The following KNTC1 variants were observed in gnomAD, a reference collection of about 807,000 sequenced individuals.
The protein encoded by KNTC1 is kinetochore associated 1.
A neutral mutation model predicts 314.4 loss-of-function variants in KNTC1; 253 were observed. That is an observed-to-expected ratio of 0.80 (90% CI 0.73 to 0.89). The LOEUF (loss-of-function observed/expected upper bound fraction) is 0.89. Ranked by LOEUF, KNTC1 falls within the 40% of genes least tolerant of loss-of-function variation. The pLI is 0.00. For missense variants in KNTC1, 2,475 were observed against 2,572.9 expected, an observed-to-expected ratio of 0.96 and a Z score of 0.82; for synonymous variants, 901 against 901.4, an observed-to-expected ratio of 1.00 and a Z score of 0.01.
intron 34 of KNTC1, 117 bp from the exon 35 acceptor site, chr12:122,584,161 A>G (rs1868873705): frequency 3.9e-6 from 3 of 762,338 alleles, no homozygotes; most frequent in Non-Finnish European, 6.5e-6. Context: ...ATACCATGAG[A>G]ACATTTAAAA....
chr12:122,620,378 A>G, intron 59 of KNTC1, 101 bp from the exon 60 acceptor site: 1 of 1,086,128 alleles, frequency 9.2e-7, no homozygotes, highest in Non-Finnish European at 1.3e-6. Context: ...GTTTAAAATT[A>G]TTGAAAACTT....
intron 30 of KNTC1, among the ~76,000 whole-genome samples, chr12:122,577,329 G>A (rs1965096078): frequency 6.6e-6 from 1 of 151,986 alleles, no homozygotes; most frequent in African/African-American, 2.4e-5. Context: ...TCAGTATCTA[G>A]GATCGTATTT....
intron 31 of KNTC1, among the ~76,000 whole-genome samples, chr12:122,579,031 T>C (rs1965218563): frequency 3.3e-4 from 1 of 3,004 alleles, no homozygotes; most frequent in Non-Finnish European, 8.3e-4. Context: ...TATTCTTTTT[T>C]TTTTTTTTTT....
intron 44 of KNTC1, 86 bp from the exon 45 acceptor site, chr12:122,601,450 G>A: frequency 1.8e-6 from 2 of 1,135,838 alleles, no homozygotes; most frequent in South Asian, 1.6e-5. Context: ...TTTTATATTT[G>A]TAATCTGTGC....
chr12:122,577,058 A>G (rs755907093), intron 30 of KNTC1, 29 bp downstream of exon 30: 1 of 1,462,520 alleles, frequency 6.8e-7, no homozygotes, highest in Non-Finnish European at 9.0e-7. Context: ...GTCATTTCAT[A>G]TGGCTTCTTT....
intron 44 of KNTC1, among the ~76,000 whole-genome samples, chr12:122,598,421 C>CTTTTTTTTTTTTTT (rs11395342): frequency 5.6e-5 from 7 of 124,280 alleles, no homozygotes; most frequent in East Asian, 2.3e-4. Flanking sequence ...TTTTTCTTTT[C>CTTTTTTTTTTTTTT]TTTTTTTTTT....
At chr12:122,536,440 C>A (rs1311425507) in intron 3 of KNTC1, among the ~76,000 whole-genome samples, 5 of 151,210 alleles carry the variant, frequency 3.3e-5, no homozygotes, top group African/African-American at 1.2e-4. Flanking sequence ...CTATGTTGGC[C>A]AGGCTGGTCT....
At chr12:122,617,819 G>A (rs969845605) in intron 57 of KNTC1, among the ~76,000 whole-genome samples, 3 of 152,098 alleles carry the variant, frequency 2.0e-5, no homozygotes, top group African/African-American at 4.8e-5. Context: ...ATTTAACAGC[G>A]GCCTCTAGAG....
chr12:122,562,813 C>G, intron 20 of KNTC1, 114 bp downstream of exon 20: 1 of 616,508 alleles, frequency 1.6e-6, no homozygotes, highest in Middle Eastern at 3.1e-4. Flanking sequence ...AGTTCGAGAC[C>G]AGCCTGGCCA....
intron 20 of KNTC1, among the ~76,000 whole-genome samples, chr12:122,566,545 G>A (rs1179598696): frequency 6.6e-6 from 1 of 151,472 alleles, no homozygotes; most frequent in Non-Finnish European, 1.5e-5. Context: ...GACTAGCTGG[G>A]ATTACAGGCA....
In KNTC1 at chr12:122,575,887, C is replaced by G. The variant is rs1390645890; in HGVS notation, c.2574C>G (p.Asn858Lys). 1 of 1,611,030 alleles carries G rather than the reference C, an allele frequency of 6.2e-7. No homozygotes were observed. The highest frequency in any genetic ancestry group is 8.5e-7 in the Non-Finnish European group (1 of 1,179,060). The change falls in exon 29 of 64, where the codon AAC becomes AAG. Residue 858 changes from asparagine (N) to lysine (K), a missense_variant. Coordinates refer to ENST00000333479, the MANE Select transcript of KNTC1 (RefSeq NM_014708.6). ...GYGIREVNLL[N>K]KEIMRVVRYI... ...GAATAAGAGAGGTAAATCTCTTAAA[C>G]AAGGAAATAATGGTAAGTACACTCT... is the stretch of plus-strand genomic sequence containing the variant.
chr12:122,578,751 A>G (rs1471516626), intron 31 of KNTC1, among the ~76,000 whole-genome samples: 2 of 152,070 alleles, frequency 1.3e-5, no homozygotes, highest in Admixed American at 6.6e-5. Flanking sequence ...CTAAGGATAG[A>G]TACCTCCCAA....
rs1385886516 is a variant in KNTC1, at chr12:122,598,964, C to T, written c.4563+1026C>T. On this transcript the variant is annotated intron_variant, in intron 44 of 63. Coordinates refer to ENST00000333479, the MANE Select transcript of KNTC1 (RefSeq NM_014708.6). ...AGCTGGAACTGTAGGTGCATGCTGCCATACCCCAGTAATTTTTTTAATTTT... is the reference window on the plus strand; with the variant it reads ...AGCTGGAACTGTAGGTGCATGCTGCTATACCCCAGTAATTTTTTTAATTTT... Among the ~76,000 whole-genome samples, 12 of 151,540 alleles carry T rather than the reference C, an allele frequency of 7.9e-5. No individual in the cohort carries two copies. The South Asian group carries it at 2.3e-3, about 29-fold the overall frequency.
intron 6 of KNTC1, among the ~76,000 whole-genome samples, chr12:122,543,137 T>C (rs1286946031): frequency 6.6e-6 from 1 of 152,178 alleles, no homozygotes; most frequent in Non-Finnish European, 1.5e-5. Flanking sequence ...GGTCTCGAAC[T>C]CCTCACGTCA....
Position 122,597,797 on chromosome 12 carries a change from T to TGCCG in KNTC1, c.4426_4429dup (p.Gln1477ArgfsTer25), listed in dbSNP as rs1871268438. 6.2e-7 allele frequency: 1 copy of TGCCG among 1,613,900 alleles called. No homozygotes were observed. Among genetic ancestry groups the TGCCG allele is most frequent in the Non-Finnish European group, 8.5e-7 (1 of 1,179,886 alleles). On this transcript the variant is annotated frameshift_variant, in exon 44 of 64. Coordinates refer to ENST00000333479, the MANE Select transcript of KNTC1 (RefSeq NM_014708.6). LOFTEE classifies it high-confidence loss of function. ...TTGAAACGCTGCTCCACAACACAAA[T>TGCCG]GCCGGCCAAGGCCAGGGAGATGCAA...
intron 16 of KNTC1, 74 bp downstream of exon 16, chr12:122,551,770 G>A: frequency 9.5e-7 from 1 of 1,047,788 alleles, no homozygotes; most frequent in East Asian, 2.4e-5. Flanking sequence ...GGACAGACAT[G>A]TAATATATAA....
At chr12:122,560,541 T>C (rs1474951408) in intron 18 of KNTC1, among the ~76,000 whole-genome samples, 3 of 151,962 alleles carry the variant, frequency 2.0e-5, no homozygotes, top group African/African-American at 7.3e-5. Context: ...CCCAGCTAAT[T>C]TTTGTATTTT....
Position 122,561,461 on chromosome 12 carries a change from A to AT in KNTC1, c.1489-450dup, listed in dbSNP as rs995982048. ...TTTGCTATTTATTTATTTATTTGTAATTTTTTTTTTGAAACGGAGTCTCAT... is the reference window on the plus strand; with the variant it reads ...TTTGCTATTTATTTATTTATTTGTAATTTTTTTTTTTGAAACGGAGTCTCAT... On this transcript the variant is annotated intron_variant, in intron 18 of 63. Transcript: ENST00000333479. Among the ~76,000 whole-genome samples the AT allele has an allele frequency of 1.7e-4, 26 of 149,654 alleles. No individual in the cohort carries two copies. In the East Asian group the frequency reaches 2.2e-3, roughly 12 times the overall value.
chr12:122,588,726 T>C lies in KNTC1; in HGVS notation c.3909T>C (p.Thr1303=). The change falls in exon 40 of 64, where the codon ACT becomes ACC. Residue 1303 remains threonine, a synonymous_variant. Coordinates refer to ENST00000333479, the MANE Select transcript of KNTC1 (RefSeq NM_014708.6). The stretch of plus-strand genomic sequence containing the variant: ...TTTTCTAAAAGTTATTTGGAGAGAC[T>C]ACATTAGTTAAATCAAGGCATGTTG... ...ATLSEKLFGE[T]TLVKSRHVVM... The C allele has an allele frequency of 6.5e-7, 1 of 1,536,472 alleles. No homozygotes were observed. Among genetic ancestry groups the C allele is most frequent in the South Asian group, 1.3e-5 (1 of 78,346 alleles).
Sources: allele counts gnomAD v4.1 joint callset (sites outside exome capture counted in the v4.1 genomes callset), GRCh38; gene constraint gnomAD v4.1.1; transcripts MANE v1.5; gene names NCBI Gene and HGNC (gene_info 2026-07-23, HGNC 2026-07-21).